Variants in SYTL3 observed in about 807,000 individuals in gnomAD.
SYTL3 encodes the protein synaptotagmin like 3, also known as synaptotagmin-like protein 3.
A neutral mutation model predicts 82.1 loss-of-function variants in SYTL3; 88 were observed. The ratio of observed to expected loss-of-function variants is 1.07; its 90% CI spans 0.90 to 1.28. The LOEUF is 1.28. Among genes scored for constraint, SYTL3 ranks in the 50% most tolerant of loss-of-function variants. The pLI is 0.00. For missense variants in SYTL3, 831 were observed against 757.6 expected (o/e 1.10, Z -1.14); for synonymous variants, 311 against 289.4 (o/e 1.07, Z -0.76).
upstream of SYTL3, among the ~76,000 whole-genome samples, chr6:158,649,288 C>G (rs1787728488): frequency 2.6e-5 from 4 of 152,254 alleles, no homozygotes; most frequent in African/African-American, 9.6e-5. Flanking sequence ...TTATTTGCCA[C>G]TCACACTCCA....
chr6:158,754,699 G>T (rs1171244040), intron 13 of SYTL3, among the ~76,000 whole-genome samples: 1 of 152,202 alleles, frequency 6.6e-6, no homozygotes, highest in Non-Finnish European at 1.5e-5. Context: ...CAGCCTGGGC[G>T]ACAGAGCGAG....
chr6:158,708,477 G>C, intron 8 of SYTL3, 86 bp downstream of exon 8: 1 of 1,314,674 alleles, frequency 7.6e-7, no homozygotes, highest in Non-Finnish European at 1.1e-6. Flanking sequence ...GCTGAGGCCG[G>C]GCACGGAACC....
At chr6:158,660,946 T>G (rs1789311077) in intron 2 of SYTL3, among the ~76,000 whole-genome samples, 1 of 152,070 alleles carries the variant, frequency 6.6e-6, no homozygotes, top group Non-Finnish European at 1.5e-5. Flanking sequence ...TCCCAGCTAC[T>G]CGGGAGGCGG....
intron 10 of SYTL3, among the ~76,000 whole-genome samples, chr6:158,722,352 G>GGGTTT (rs1233880812): frequency 6.6e-6 from 1 of 151,954 alleles, no homozygotes; most frequent in Non-Finnish European, 1.5e-5. Flanking sequence ...TCTAGAGATA[G>GGGTTT]GGTTTTACCA....
chr6:158,757,455 G>A (rs1474919845), intron 14 of SYTL3, 74 bp downstream of exon 14: 1 of 1,520,040 alleles, frequency 6.6e-7, no homozygotes, highest in East Asian at 2.3e-5. Flanking sequence ...AGAGATCCCA[G>A]AAGAGAAAAC....
intron 12 of SYTL3, among the ~76,000 whole-genome samples, chr6:158,751,463 G>A (rs999781689): frequency 1.3e-5 from 2 of 152,206 alleles, no homozygotes; most frequent in Non-Finnish European, 2.9e-5. Flanking sequence ...ACTTCTCAGC[G>A]GTTGGGAGGA....
chr6:158,715,613 A>ACACACACACACACACACACACACACG (rs1291340388), intron 9 of SYTL3, among the ~76,000 whole-genome samples: 77 of 141,906 alleles, frequency 5.4e-4, no homozygotes, highest in African/African-American at 1.7e-3. Flanking sequence ...ACACACACAC[A>ACACACACACACACACACACACACACG]CACGCACGCA....
At chr6:158,671,032 C>G (rs1365938514) in intron 5 of SYTL3, among the ~76,000 whole-genome samples, 1 of 151,834 alleles carries the variant, frequency 6.6e-6, no homozygotes, top group Non-Finnish European at 1.5e-5. Context: ...TCTTGATCTC[C>G]TGATCTAGTG....
intron 11 of SYTL3, among the ~76,000 whole-genome samples, chr6:158,743,357 G>C (rs76527350): frequency 0.034 from 5,231 of 152,266 alleles, 150 homozygotes; most frequent in Non-Finnish European, 0.044. Flanking sequence ...TCTTGAAATA[G>C]TTTAGTTGTT....
chr6:158,664,622 T>C (rs1386600842), intron 4 of SYTL3, among the ~76,000 whole-genome samples: 1 of 152,206 alleles, frequency 6.6e-6, no homozygotes, highest in Non-Finnish European at 1.5e-5. Context: ...GAAAGATCTT[T>C]CAGTGATTTG....
chr6:158,718,022 A>T, intron 9 of SYTL3, 65 bp from the exon 10 acceptor site: 1 of 1,425,352 alleles, frequency 7.0e-7, no homozygotes. Context: ...ACCCCAGAAG[A>T]GGCTCCCACA....
At chr6:158,738,056 G>A (rs992281367) in intron 11 of SYTL3, among the ~76,000 whole-genome samples, 1 of 152,098 alleles carries the variant, frequency 6.6e-6, no homozygotes, top group African/African-American at 2.4e-5. Context: ...CTGGACAAGC[G>A]CAGCTGTGCC....
intron 10 of SYTL3, among the ~76,000 whole-genome samples, chr6:158,721,868 A>G (rs1784144884): frequency 6.6e-6 from 1 of 151,370 alleles, no homozygotes; most frequent in South Asian, 2.1e-4. Context: ...CCTGAGCTCA[A>G]TCGGATGCCT....
chr6:158,761,268 G>A (rs1362765539), intron 15 of SYTL3, among the ~76,000 whole-genome samples: 2 of 151,954 alleles, frequency 1.3e-5, no homozygotes, highest in Non-Finnish European at 2.9e-5. Context: ...GGAGGAGGAG[G>A]GCGGGGAAGG....
intron 2 of SYTL3, among the ~76,000 whole-genome samples, chr6:158,654,661 G>A (rs893500390): frequency 3.2e-4 from 49 of 152,296 alleles, no homozygotes; most frequent in African/African-American, 1.2e-3. Context: ...TCCCCAAACA[G>A]CCCTGTGAAG....
chr6:158,706,798 G>T (rs926673327), intron 6 of SYTL3, among the ~76,000 whole-genome samples: 1 of 152,182 alleles, frequency 6.6e-6, no homozygotes, highest in Non-Finnish European at 1.5e-5. Flanking sequence ...GTTTTTAAAA[G>T]ATTAATTTAA....
chr6:158,691,306 C>G (rs1037860791), intron 6 of SYTL3, among the ~76,000 whole-genome samples: 1 of 151,484 alleles, frequency 6.6e-6, no homozygotes, highest in Non-Finnish European at 1.5e-5. Flanking sequence ...AAGATCATGC[C>G]ACTGCATCCA....
At chr6:158,732,731 A>G (rs1785570483) in intron 11 of SYTL3, among the ~76,000 whole-genome samples, 1 of 152,194 alleles carries the variant, frequency 6.6e-6, no homozygotes. Context: ...AGGCACTTCC[A>G]AGAGCTAACC....
At chr6:158,693,859 T>TTTTTTTTTTTTTTTTTTTTTTTTC (rs1780261433) in intron 6 of SYTL3, among the ~76,000 whole-genome samples, 1 of 102,180 alleles carries the variant, frequency 9.8e-6, no homozygotes, top group African/African-American at 4.4e-5. Context: ...TCTTTTCTTT[T>TTTTTTTTTTTTTTTTTTTTTTTTC]TTTTTTTTTT....
Sources: allele counts gnomAD v4.1 joint callset (sites outside exome capture counted in the v4.1 genomes callset), GRCh38; gene constraint gnomAD v4.1.1; transcripts MANE v1.5; gene names NCBI Gene and HGNC (gene_info 2026-07-23, HGNC 2026-07-21).